The following USP44 variants were observed in gnomAD, a reference collection of about 807,000 sequenced individuals.
USP44 encodes the protein ubiquitin specific peptidase 44.
A neutral mutation model predicts 69.0 loss-of-function variants in USP44; 61 were observed. That is an observed-to-expected ratio of 0.88 (90% CI 0.72 to 1.09). The LOEUF is 1.09. Ranked by LOEUF, USP44 falls within the 50% of genes least tolerant of loss-of-function variation. The pLI is 0.00. For synonymous variants in USP44, 297 were observed against 295.4 expected (o/e 1.01, Z -0.06); for missense variants, 753 against 849.9 (o/e 0.89, Z 1.42).
Position 95,518,333 on chromosome 12 carries a change from CATTGCAG to C in USP44, c.1953_1959del (p.His651GlnfsTer5), listed in dbSNP as rs773690854. The C allele has an allele frequency of 6.2e-7, 1 of 1,614,182 alleles. No homozygotes were observed. The highest frequency in any genetic ancestry group is 8.5e-7 in the Non-Finnish European group (1 of 1,180,028). On this transcript the variant is annotated frameshift_variant, in exon 6 of 6. Coordinates refer to ENST00000258499, the MANE Select transcript of USP44 (RefSeq NM_032147.5). LOFTEE classifies it high-confidence loss of function. Reference sequence around the variant, plus strand: ...ATAGTGCACATGCTTAGTTTGGAATCATTGCAGTGTACCCAGAACCCTAGAGTGAAGC... The same window carrying C: ...ATAGTGCACATGCTTAGTTTGGAATCTGTACCCAGAACCCTAGAGTGAAGC...
intron 3 of USP44, 84 bp from the exon 4 acceptor site, chr12:95,524,872 C>A: frequency 8.0e-7 from 1 of 1,244,792 alleles, no homozygotes; most frequent in Non-Finnish European, 1.1e-6. Flanking sequence ...TTAATTAAGT[C>A]AGAAATGAAA....
chr12:95,539,145 C>T (rs2077303176), intron 1 of USP44, among the ~76,000 whole-genome samples: 1 of 152,054 alleles, frequency 6.6e-6, no homozygotes, highest in African/African-American at 2.4e-5. Context: ...AAATGTTTCA[C>T]ACTCCAAATT....
rs780897470 is a variant in USP44, at chr12:95,533,499, A to G, written c.758T>C (p.Ile253Thr). Reference protein sequence around the residue: ...DKVLSTSENEISQKVSDSSVK... With the variant: ...DKVLSTSENETSQKVSDSSVK... ...TGAGGAGTCACTGACTTTTTGAGAT[A>G]TTTCATTTTCTGAGGTAGAGAGTAC... is the stretch of plus-strand genomic sequence containing the variant. Residue 253 changes from isoleucine (I) to threonine (T), a missense_variant, in exon 2 of 6, where the codon ATA (isoleucine) becomes ACA (threonine). Ile to Thr is a moderately conservative substitution (Grantham distance 89). Transcript: ENST00000258499. 1 of 1,614,134 alleles carries G rather than the reference A, an allele frequency of 6.2e-7. No individual in the cohort carries two copies. Among genetic ancestry groups the G allele is most frequent in the South Asian group, 1.1e-5 (1 of 91,074 alleles).
At position 95,533,520 on chromosome 12, in the gene USP44, A is replaced by G. The variant is rs184090325; in HGVS notation, c.737T>C (p.Leu246Pro). 5 of 1,613,972 alleles carry G rather than the reference A, an allele frequency of 3.1e-6. No homozygotes were observed. Among genetic ancestry groups the G allele is most frequent in the Admixed American group, 3.3e-5 (2 of 60,008 alleles). The change falls in exon 2 of 6, where the codon CTC becomes CCC. Residue 246 changes from leucine (L) to proline (P), a missense_variant. Transcript: ENST00000258499. ...TPASPAKDKV[L>P]STSENEISQK... ...AGATATTTCATTTTCTGAGGTAGAG[A>G]GTACTTTATCTTTTGCTGGTGATGC...
chr12:95,537,077 G>T (rs1007194000), intron 1 of USP44, among the ~76,000 whole-genome samples: 1 of 152,320 alleles, frequency 6.6e-6, no homozygotes, highest in South Asian at 2.1e-4. Flanking sequence ...AGGGACGAGT[G>T]ATTAAGAGAG....
At chr12:95,543,446 T>C (rs904614764) in intron 1 of USP44, among the ~76,000 whole-genome samples, 3 of 101,160 alleles carry the variant, frequency 3.0e-5, no homozygotes, top group Non-Finnish European at 6.5e-5. Flanking sequence ...AAAAAGAAAA[T>C]AGTAAGTCCC....
rs964727988 is a variant in USP44 at position 95,548,968 on chromosome 12, G to C, written c.-71+2304C>G. Reference sequence around the variant, plus strand: ...GTGGCCGCCTTCCGCGCCTCGTGGGGGGGTCGGGGCCACGGACGGTCCCCG... The same window carrying C: ...GTGGCCGCCTTCCGCGCCTCGTGGGCGGGTCGGGGCCACGGACGGTCCCCG... On this transcript the variant is annotated intron_variant, in intron 1 of 5. Transcript: ENST00000258499. This position sits in a 1 kb window ranked among gnomAD's most constrained non-coding sequence, Gnocchi z 4.1. The C allele has an allele frequency of 6.6e-6, 1 of 152,152 alleles. No homozygotes were observed. The highest frequency in any genetic ancestry group is 1.5e-5 in the Non-Finnish European group (1 of 68,040). The allele number at this position is 152,152 out of a possible 1,614,324, so 9.4% of individuals were successfully genotyped here.
chr12:95,550,969 C>T (rs1263571916), intron 1 of USP44, among the ~76,000 whole-genome samples: 1 of 152,072 alleles, frequency 6.6e-6, no homozygotes, highest in Non-Finnish European at 1.5e-5. Flanking sequence ...TGTAGTTTAG[C>T]TTTTTCTTCA....
At chr12:95,520,253 G>A (rs1039548743) in intron 5 of USP44, among the ~76,000 whole-genome samples, 2 of 151,920 alleles carry the variant, frequency 1.3e-5, no homozygotes, top group Admixed American at 1.3e-4. Context: ...ACCACTTTGG[G>A]AGGCCGAGGC....
At chr12:95,537,347 C>A (rs2077238245) in intron 1 of USP44, among the ~76,000 whole-genome samples, 1 of 152,038 alleles carries the variant, frequency 6.6e-6, no homozygotes, top group Non-Finnish European at 1.5e-5. Context: ...GAGACAGAGT[C>A]TCACTCTGTC....
chr12:95,535,218 A>G (rs527352543), intron 1 of USP44, among the ~76,000 whole-genome samples: 1 of 152,216 alleles, frequency 6.6e-6, no homozygotes, highest in South Asian at 2.1e-4. Context: ...ACCAACTTCA[A>G]TTGAGTTGTT....
intron 4 of USP44, among the ~76,000 whole-genome samples, chr12:95,523,025 G>A (rs940587000): frequency 1.3e-5 from 2 of 152,086 alleles, no homozygotes; most frequent in Admixed American, 6.6e-5. Context: ...ATGGGCTTCT[G>A]GAGCTTCCGG....
At chr12:95,545,480 C>T (rs962398663) in intron 1 of USP44, among the ~76,000 whole-genome samples, 3 of 152,130 alleles carry the variant, frequency 2.0e-5, no homozygotes, top group African/African-American at 7.2e-5. Flanking sequence ...ATGGTAATTT[C>T]GGTAGGAAGT....
chr12:95,538,316 C>G (rs952017930), intron 1 of USP44, among the ~76,000 whole-genome samples: 2 of 152,184 alleles, frequency 1.3e-5, no homozygotes, highest in Admixed American at 6.5e-5. Flanking sequence ...AGAACAACTC[C>G]TGACACTTAA....
intron 1 of USP44, among the ~76,000 whole-genome samples, chr12:95,538,320 CACTT>C (rs553916725): frequency 9.4e-4 from 143 of 152,226 alleles, no homozygotes; most frequent in Admixed American, 9.2e-4. Context: ...CAACTCCTGA[CACTT>C]AATAATATGG....
At chr12:95,519,725 C>G (rs915795988) in intron 5 of USP44, among the ~76,000 whole-genome samples, 2 of 150,744 alleles carry the variant, frequency 1.3e-5, no homozygotes, top group Non-Finnish European at 3.0e-5. Flanking sequence ...AGCCACCGCG[C>G]CCGGCCCTCA....
chr12:95,534,196 T>C lies in USP44; in HGVS notation c.61A>G (p.Ser21Gly). 1.2e-6 allele frequency: 2 copies of C among 1,614,124 alleles called. No individual in the cohort carries two copies. The highest frequency in any genetic ancestry group is 2.2e-5 in the South Asian group (2 of 91,068). The change falls in exon 2 of 6, where the codon AGC becomes GGC. Residue 21 changes from serine (S) to glycine (G), a missense_variant. Ser to Gly is a moderately conservative substitution (Grantham distance 56). Coordinates refer to ENST00000258499, the MANE Select transcript of USP44 (RefSeq NM_032147.5). The stretch of plus-strand genomic sequence containing the variant: ...CAGTGCCATTTCTGAGGGTTGAGGC[T>C]GGAATGGTCTTGAGCAAGCTGCAGC... Reference protein sequence around the residue: ...GQLQLAQDHSSLNPQKWHCVD... With the variant: ...GQLQLAQDHSGLNPQKWHCVD...
chr12:95,528,930 C>T lies in USP44; in HGVS notation c.1501G>A (p.Glu501Lys). Residue 501 changes from glutamate (E) to lysine (K), a missense_variant, in exon 3 of 6, where the codon GAA becomes AAA. Physicochemically the swap from Glu to Lys is moderately conservative, Grantham distance 56 (BLOSUM62 1). Transcript: ENST00000258499. ...TCTTTTCCACTGCATTGATACCTTT[C>T]TGGAAACTCCAATGACAAGTCCCAG... Reference protein sequence around the residue: ...PFWDLSLEFPERYQCSGKDIA... With the variant: ...PFWDLSLEFPKRYQCSGKDIA... 6.2e-7 allele frequency: 1 copy of T among 1,614,054 alleles called. No individual in the cohort carries two copies. Among genetic ancestry groups the T allele is most frequent in the Non-Finnish European group, 8.5e-7 (1 of 1,179,988 alleles).
Position 95,533,549 on chromosome 12 carries a change from C to A in USP44, c.708G>T (p.Thr236=). The A allele has an allele frequency of 6.2e-7, 1 of 1,613,568 alleles. No individual in the cohort carries two copies. ...CTTTATCTTTTGCTGGTGATGCTGG[C>A]GTTTGTGCTGGCACCTGAACAGAAA... ...EIVSVQVPAQ[T]PASPAKDKVL... Residue 236 remains threonine (T), a synonymous_variant, in exon 2 of 6, where the codon ACG becomes ACT. Coordinates refer to ENST00000258499, the MANE Select transcript of USP44 (RefSeq NM_032147.5).
Sources: allele counts gnomAD v4.1 joint callset (sites outside exome capture counted in the v4.1 genomes callset), GRCh38; gene constraint gnomAD v4.1.1; non-coding constraint Gnocchi (gnomAD v3.1); transcripts MANE v1.5; gene names NCBI Gene and HGNC (gene_info 2026-07-23, HGNC 2026-07-21).